Variants in TMEM41B observed in about 807,000 individuals in gnomAD.
The protein encoded by TMEM41B is transmembrane protein 41B.
TMEM41B carries 18 observed loss-of-function variants against 31.9 expected under a neutral mutation model. That is an observed-to-expected ratio of 0.56 (90% confidence interval 0.39 to 0.84). The LOEUF (loss-of-function observed/expected upper bound fraction) is 0.84. Among genes scored for constraint, TMEM41B ranks in the 40% least tolerant of loss-of-function variants. TMEM41B has a pLI of 0.00. For missense variants in TMEM41B, 322 were observed against 348.0 expected (o/e 0.93, Z 0.59); for synonymous variants, 144 against 124.3 (o/e 1.16, Z -1.05).
Position 9,295,431 on chromosome 11 carries a change from GATA to G in TMEM41B, c.240-47_240-45del, listed in dbSNP as rs564102170. 2.5e-4 allele frequency: 295 copies of G among 1,188,136 alleles called. 1 individual carries two copies. The African/African-American group carries it at 3.7e-3, about 15-fold the overall frequency. The allele number at this position is 1,188,136 out of a possible 1,614,324, so 73.6% of individuals were successfully genotyped here. A position where few individuals can be genotyped will look rare whatever the true frequency, so the allele number is the denominator to read the frequency against. ...AAATTTTAGAACAGAATTTTGCCAA[GATA>G]ATATCAAAGTCAAGTTCACAACATG... On this transcript the variant is annotated intron_variant, in intron 2 of 6. Coordinates refer to ENST00000528080, the MANE Select transcript of TMEM41B (RefSeq NM_015012.4).
chr11:9,288,107 T>G (rs1358092953), intron 4 of TMEM41B: 3 of 271,710 alleles, frequency 1.1e-5, no homozygotes, highest in African/African-American at 3.4e-5. Flanking sequence ...CCCCCGACCC[T>G]ACCCCCGACC....
At position 9,302,071 on chromosome 11, in the gene TMEM41B, A is replaced by G. The variant is rs192549808; in HGVS notation, c.122-2370T>C. Among the ~76,000 whole-genome samples, 1,062 of 132,300 alleles carry G rather than the reference A, an allele frequency of 8.0e-3. 61 individuals carry two copies. The highest frequency in any genetic ancestry group is 0.03 in the African/African-American group (1,016 of 34,034). The allele number at this position is 132,300 out of a possible 152,430, so 86.8% of individuals were successfully genotyped here. On this transcript the variant is annotated intron_variant, in intron 1 of 6. Transcript: ENST00000528080. The stretch of plus-strand genomic sequence containing the variant: ...GCCCAGGCTGGAGTGCAGTGGCACA[A>G]TCTCAGCTCACTGCAACCTCCGCCT...
At chr11:9,310,189 C>A (rs1238990447) in intron 1 of TMEM41B, among the ~76,000 whole-genome samples, 1 of 151,708 alleles carries the variant, frequency 6.6e-6, no homozygotes, top group African/African-American at 2.4e-5. Flanking sequence ...GTGTGCACCA[C>A]CATGCCCAGC....
In TMEM41B at chr11:9,297,733, G is replaced by A. The variant is rs920951527; in HGVS notation, c.239+1851C>T. Among the ~76,000 whole-genome samples the A allele has an allele frequency of 2.6e-5, 4 of 151,960 alleles. No individual in the cohort carries two copies. In the South Asian group the frequency reaches 6.2e-4, roughly 24 times the overall value. On this transcript the variant is annotated intron_variant, in intron 2 of 6. Coordinates refer to ENST00000528080, the MANE Select transcript of TMEM41B (RefSeq NM_015012.4). Reference sequence around the variant, plus strand: ...AAGTTTTTTATACAGATGGGGTCTCGCTATGTGACCCAGGCTGTTCTCAAA... The same window carrying A: ...AAGTTTTTTATACAGATGGGGTCTCACTATGTGACCCAGGCTGTTCTCAAA...
At chr11:9,298,813 G>GA (rs1853165406) in intron 2 of TMEM41B, among the ~76,000 whole-genome samples, 2 of 151,472 alleles carry the variant, frequency 1.3e-5, no homozygotes, top group African/African-American at 4.9e-5. Context: ...GCAATTTGGA[G>GA]AAAACATGAC....
At chr11:9,295,828 C>T (rs1853071937) in intron 2 of TMEM41B, among the ~76,000 whole-genome samples, 1 of 151,226 alleles carries the variant, frequency 6.6e-6, no homozygotes, top group African/African-American at 2.4e-5. Context: ...GCAACCGCAC[C>T]TGGCCTATAA....
intron 1 of TMEM41B, among the ~76,000 whole-genome samples, chr11:9,312,775 G>A (rs10840205): frequency 0.39 from 59,641 of 151,434 alleles, 12,605 homozygotes; most frequent in East Asian, 0.5. Flanking sequence ...GTGGTGGTGG[G>A]CGCCTGTAGT....
At chr11:9,305,074 G>A (rs912509286) in intron 1 of TMEM41B, among the ~76,000 whole-genome samples, 5 of 152,164 alleles carry the variant, frequency 3.3e-5, no homozygotes, top group African/African-American at 4.8e-5. Context: ...TTACTGGTAT[G>A]AGCCATAGAA....
Position 9,281,354 on chromosome 11 carries a change from A to C in TMEM41B, c.*2070T>G, listed in dbSNP as rs1852714611. 6.6e-6 allele frequency: 1 copy of C among 152,214 alleles called. No individual in the cohort carries two copies. Among genetic ancestry groups the C allele is most frequent in the South Asian group, 2.1e-4 (1 of 4,828 alleles). The allele number at this position is 152,214 out of a possible 1,614,324, so 9.4% of individuals were successfully genotyped here. On this transcript the variant is annotated 3_prime_UTR_variant, in exon 7 of 7. Transcript: ENST00000528080. ...GAAGAAAGCCTTGCTAGAAATAATA[A>C]ATAATCTCACGCAAAAGGCCAGGTG... is the stretch of plus-strand genomic sequence containing the variant.
chr11:9,291,289 G>A (rs11042269), intron 3 of TMEM41B, among the ~76,000 whole-genome samples: 59,423 of 151,730 alleles, frequency 0.39, 12,543 homozygotes, highest in East Asian at 0.49. Flanking sequence ...AGCTGAAGCA[G>A]GAGAATTGCT....
intron 1 of TMEM41B, among the ~76,000 whole-genome samples, chr11:9,309,840 T>C (rs1853510783): frequency 6.7e-6 from 1 of 148,632 alleles, no homozygotes; most frequent in African/African-American, 2.5e-5. Context: ...GAGAATGGCG[T>C]GAACCCGGGA....
chr11:9,299,303 A>AAAG (rs1157337353), intron 2 of TMEM41B, among the ~76,000 whole-genome samples: 1 of 66,122 alleles, frequency 1.5e-5, no homozygotes, highest in African/African-American at 4.8e-5. Flanking sequence ...AAAAAAAAAA[A>AAAG]AAGAAAGTAT....
chr11:9,286,503 G>A lies in TMEM41B; in HGVS notation c.658C>T (p.Pro220Ser), dbSNP rs1433448726. The A allele has an allele frequency of 2.5e-6, 4 of 1,612,522 alleles. No homozygotes were observed. Among genetic ancestry groups the A allele is most frequent in the Non-Finnish European group, 1.7e-6 (2 of 1,179,364 alleles). ...LPNWFINITS[P>S]VINVPLKVFF... The stretch of plus-strand genomic sequence containing the variant: ...ACTTTCAATGGCACGTTTATCACAG[G>A]AGATGTGATATTAATAAACCAATTA... The change falls in exon 6 of 7, where the codon CCT becomes TCT. Residue 220 changes from proline to serine, a missense_variant. Coordinates refer to ENST00000528080, the MANE Select transcript of TMEM41B (RefSeq NM_015012.4).
intron 1 of TMEM41B, among the ~76,000 whole-genome samples, chr11:9,312,329 C>T (rs1853578920): frequency 6.6e-6 from 1 of 152,066 alleles, no homozygotes; most frequent in Admixed American, 6.6e-5. Context: ...ACACCCTGGC[C>T]CCTTCTCTAC....
intron 1 of TMEM41B, among the ~76,000 whole-genome samples, chr11:9,300,312 A>G (rs1853216499): frequency 6.6e-6 from 1 of 152,134 alleles, no homozygotes; most frequent in African/African-American, 2.4e-5. Flanking sequence ...TCTAAATTTT[A>G]TCATACTGTC....
intron 6 of TMEM41B, among the ~76,000 whole-genome samples, chr11:9,285,825 AAAAAG>A (rs1282215525): frequency 1.3e-5 from 2 of 151,970 alleles, no homozygotes; most frequent in South Asian, 2.1e-4. Flanking sequence ...AAAAAAAAAA[AAAAAG>A]AAAGGGCTGG....
intron 2 of TMEM41B, among the ~76,000 whole-genome samples, chr11:9,298,363 G>A (rs1000235406): frequency 2.0e-4 from 30 of 151,652 alleles, no homozygotes; most frequent in African/African-American, 6.8e-4. Context: ...TGAGACTGAG[G>A]CAGGAGAATC....
At chr11:9,310,044 A>T (rs7952263) in intron 1 of TMEM41B, among the ~76,000 whole-genome samples, 89,725 of 148,832 alleles carry the variant, frequency 0.6, 27,435 homozygotes, top group African/African-American at 0.7. Flanking sequence ...TATTATTATT[A>T]TTTTTTTTTG....
intron 1 of TMEM41B, among the ~76,000 whole-genome samples, chr11:9,304,900 C>A (rs1054065771): frequency 6.6e-6 from 1 of 152,130 alleles, no homozygotes. Context: ...TCGTGATCTG[C>A]CCCCCTTGGC....
Sources: gnomAD v4.1 joint callset for allele counts (sites outside exome capture counted in the v4.1 genomes callset) on GRCh38, gnomAD v4.1.1 for gene constraint, MANE v1.5 for transcripts, NCBI Gene and HGNC (gene_info 2026-07-23, HGNC 2026-07-21) for gene names.